The following COLGALT2 variants were observed in gnomAD, a reference collection of about 807,000 sequenced individuals.
COLGALT2 encodes procollagen galactosyltransferase 2.
A neutral mutation model predicts 73.4 loss-of-function variants in COLGALT2; 49 were observed. The ratio of observed to expected loss-of-function variants is 0.67; its 90% CI spans 0.53 to 0.85. The LOEUF (loss-of-function observed/expected upper bound fraction) is 0.85, where lower values mean the gene tolerates loss of function less well. Ranked by LOEUF, COLGALT2 falls within the 40% of genes least tolerant of loss-of-function variation. The pLI, the probability that COLGALT2 is intolerant of heterozygous loss-of-function variation, is 0.00. For synonymous variants in COLGALT2, 295 were observed against 307.6 expected (o/e 0.96, Z 0.43); for missense variants, 722 against 790.2 (o/e 0.91, Z 1.03).
chr1:184,032,674 T>C (rs1359089544), intron 1 of COLGALT2, among the ~76,000 whole-genome samples: 8 of 152,216 alleles, frequency 5.3e-5, no homozygotes, highest in African/African-American at 1.9e-4. Flanking sequence ...TTTTCAGCCA[T>C]AAACCGAAAC....
chr1:183,955,149 G>A (rs1391207478), intron 6 of COLGALT2, among the ~76,000 whole-genome samples: 1 of 152,186 alleles, frequency 6.6e-6, no homozygotes, highest in Admixed American at 6.5e-5. Flanking sequence ...GATGATCTGG[G>A]TCCAAACCTT....
At chr1:184,029,311 T>C (rs1043795759) in intron 1 of COLGALT2, among the ~76,000 whole-genome samples, 2 of 152,262 alleles carry the variant, frequency 1.3e-5, no homozygotes, top group African/African-American at 4.8e-5. Flanking sequence ...AATACAATCC[T>C]GATCCTTTTA....
At chr1:184,002,485 A>G (rs1160840328) in intron 1 of COLGALT2, among the ~76,000 whole-genome samples, 1 of 152,260 alleles carries the variant, frequency 6.6e-6, no homozygotes, top group African/African-American at 2.4e-5. Context: ...TTCCCTAGGC[A>G]GGCTGCTGCT....
intron 4 of COLGALT2, among the ~76,000 whole-genome samples, chr1:183,973,029 T>C (rs1050782724): frequency 6.6e-6 from 1 of 152,172 alleles, no homozygotes; most frequent in Non-Finnish European, 1.5e-5. Flanking sequence ...GTAATTCCAC[T>C]TCTAAAAAGC....
chr1:184,028,189 G>A (rs1649388101), intron 1 of COLGALT2, among the ~76,000 whole-genome samples: 1 of 152,218 alleles, frequency 6.6e-6, no homozygotes, highest in Non-Finnish European at 1.5e-5. Context: ...TGTCGGGAAT[G>A]CTATGGCCCC....
chr1:184,012,635 A>G (rs192266357), intron 1 of COLGALT2, among the ~76,000 whole-genome samples: 13 of 152,328 alleles, frequency 8.5e-5, no homozygotes, highest in Admixed American at 2.0e-4. Flanking sequence ...AAGGCAGTCT[A>G]TTCCTATCAT....
chr1:184,013,277 T>G (rs1042922309), intron 1 of COLGALT2, among the ~76,000 whole-genome samples: 2 of 152,214 alleles, frequency 1.3e-5, no homozygotes, highest in African/African-American at 4.8e-5. Flanking sequence ...ACTGTGCCAC[T>G]GCACTCCAGC....
At position 183,969,316 on chromosome 1, in the gene COLGALT2, C is replaced by A; in HGVS notation, c.785G>T (p.Trp262Leu). ...AAAGACAATGATGTCATCAAAGGTC[C>A]AGGTGTAGTCCTGGTGTGGGGGGTA... ...TFYPPHQDYT[W>L]TFDDIIVFAF... is the part of the protein sequence containing the mutation. The change falls in exon 5 of 12, where the codon TGG (tryptophan) becomes TTG (leucine). Residue 262 changes from tryptophan (W) to leucine (L), a missense_variant. Physicochemically the swap from Trp to Leu is moderately conservative, Grantham distance 61 (BLOSUM62 -2). Transcript: ENST00000361927. 1 of 1,613,714 alleles carries A rather than the reference C, an allele frequency of 6.2e-7. No homozygotes were observed. Among genetic ancestry groups the A allele is most frequent in the South Asian group, 1.1e-5 (1 of 90,990 alleles).
At chr1:184,031,036 C>A (rs552645297) in intron 1 of COLGALT2, among the ~76,000 whole-genome samples, 34 of 152,276 alleles carry the variant, frequency 2.2e-4, no homozygotes, top group African/African-American at 8.2e-4. Flanking sequence ...ATTTATTAGT[C>A]ACTTCAGTTT....
intron 1 of COLGALT2, among the ~76,000 whole-genome samples, chr1:183,982,634 A>T (rs976784068): frequency 6.6e-6 from 1 of 152,216 alleles, no homozygotes; most frequent in Non-Finnish European, 1.5e-5. Flanking sequence ...TATAAACGGC[A>T]TAAGAGAATT....
intron 5 of COLGALT2, among the ~76,000 whole-genome samples, chr1:183,968,562 G>A (rs758722509): frequency 2.0e-5 from 3 of 152,246 alleles, no homozygotes; most frequent in Non-Finnish European, 4.4e-5. Context: ...GTGCATGCAT[G>A]CAGAGAATAA....
chr1:183,954,492 C>T (rs141867153), intron 7 of COLGALT2, among the ~76,000 whole-genome samples: 107 of 152,316 alleles, frequency 7.0e-4, no homozygotes, highest in African/African-American at 2.5e-3. Context: ...ACAATATCTG[C>T]TCCTAGAAAA....
chr1:184,028,860 CA>C (rs1285906969), intron 1 of COLGALT2, among the ~76,000 whole-genome samples: 1 of 152,178 alleles, frequency 6.6e-6, no homozygotes, highest in East Asian at 1.9e-4. Flanking sequence ...ATTATGTTTG[CA>C]GAGGAACAAA....
intron 1 of COLGALT2, among the ~76,000 whole-genome samples, chr1:184,000,481 CT>C (rs1671889332): frequency 1.4e-5 from 2 of 143,408 alleles, no homozygotes; most frequent in African/African-American, 5.1e-5. Flanking sequence ...AATGATTTAA[CT>C]ATAGTCACCC....
At chr1:183,973,542 G>C in intron 4 of COLGALT2, 74 bp downstream of exon 4, 2 of 1,566,528 alleles carry the variant, frequency 1.3e-6, no homozygotes, top group South Asian at 1.1e-5. Context: ...AGAGAAAGGT[G>C]AATGGGACTA....
In COLGALT2 at chr1:183,943,584, A is replaced by G. The variant is rs927729184; in HGVS notation, c.1397+612T>C. On this transcript the variant is annotated intron_variant, in intron 10 of 11. Coordinates refer to ENST00000361927, the MANE Select transcript of COLGALT2 (RefSeq NM_015101.4). Reference sequence around the variant, plus strand: ...GCCACTCAATTCCCAGAGAGTAGACAAAGAACATTAACTAAATGTCAGCTC... The same window carrying G: ...GCCACTCAATTCCCAGAGAGTAGACGAAGAACATTAACTAAATGTCAGCTC... 6.3e-4 allele frequency among the ~76,000 whole-genome samples: 96 copies of G among 152,174 alleles called. 1 individual carries two copies. The highest frequency in any genetic ancestry group is 2.2e-3 in the African/African-American group (93 of 41,438).
chr1:183,996,227 C>T (rs1284855932), intron 1 of COLGALT2, among the ~76,000 whole-genome samples: 2 of 152,296 alleles, frequency 1.3e-5, no homozygotes, highest in South Asian at 2.1e-4. Context: ...TTCCCTGCAC[C>T]TCTGATAAAC....
At chr1:183,995,942 C>G (rs1671758658) in intron 1 of COLGALT2, among the ~76,000 whole-genome samples, 1 of 152,194 alleles carries the variant, frequency 6.6e-6, no homozygotes, top group African/African-American at 2.4e-5. Flanking sequence ...TCAATCTCAA[C>G]TGTAATACGT....
intron 1 of COLGALT2, among the ~76,000 whole-genome samples, chr1:184,008,671 A>G (rs1217533077): frequency 6.6e-6 from 1 of 152,216 alleles, no homozygotes; most frequent in Non-Finnish European, 1.5e-5. Flanking sequence ...TCAAGGCTGC[A>G]GTGAGCTATG....
Sources: gnomAD v4.1 joint callset for allele counts (sites outside exome capture counted in the v4.1 genomes callset) on GRCh38, gnomAD v4.1.1 for gene constraint, MANE v1.5 for transcripts, NCBI Gene and HGNC (gene_info 2026-07-23, HGNC 2026-07-21) for gene names.